NMNAT3: variants seen among roughly 807,000 people sequenced by gnomAD.
The protein encoded by NMNAT3 is nicotinamide/nicotinic acid mononucleotide adenylyltransferase 3.
In NMNAT3, 21 loss-of-function variants were observed where a neutral mutation model predicts 24.8. The ratio of observed to expected loss-of-function variants is 0.85; its 90% CI spans 0.60 to 1.22. The LOEUF (loss-of-function observed/expected upper bound fraction) is 1.22, where lower values mean the gene tolerates loss of function less well. Ranked by LOEUF, NMNAT3 falls within the 50% of genes most tolerant of loss-of-function variation. NMNAT3 has a pLI of 0.00. For synonymous variants in NMNAT3, 136 were observed against 155.2 expected (o/e 0.88, Z 0.92); for missense variants, 387 against 436.6 (o/e 0.89, Z 1.01).
At chr3:139,675,095 C>T (rs987939359) in intron 1 of NMNAT3, among the ~76,000 whole-genome samples, 2 of 139,040 alleles carry the variant, frequency 1.4e-5, no homozygotes, top group African/African-American at 5.6e-5. Context: ...TGCTTAAATA[C>T]ATTAGTCATC....
chr3:139,576,347 T>G, intron 5 of NMNAT3: 1 of 805,816 alleles, frequency 1.2e-6, no homozygotes, highest in South Asian at 5.9e-5. Flanking sequence ...TTTAAAAATC[T>G]TAATCAGCAT....
Position 139,583,079 on chromosome 3 carries a change from T to C in NMNAT3, c.239A>G (p.Asp80Gly). The C allele has an allele frequency of 3.1e-6, 5 of 1,594,544 alleles. No homozygotes were observed. Among genetic ancestry groups the C allele is most frequent in the Non-Finnish European group, 4.3e-6 (5 of 1,165,918 alleles). ...TCTTTTGCGTTTAAAAGATGACTTG[T>C]CAGGGTCATCATTTTTGCTGCTAAC... Residue 80 changes from aspartate (D) to glycine (G), a missense_variant, in exon 4 of 7, where the codon GAC (aspartate) becomes GGC (glycine). Physicochemically the swap from Asp to Gly is moderately conservative, Grantham distance 94. This residue lies in a region of NMNAT3 where 323 missense variants were observed against 345.2 expected (regional missense o/e 0.94). Coordinates refer to ENST00000643695, the MANE Select transcript of NMNAT3 (RefSeq NM_001320510.2).
rs909674135 is a variant in NMNAT3 at position 139,598,575 on chromosome 3, C to T, written c.110-15367G>A. Among the ~76,000 whole-genome samples, 7 of 152,228 alleles carry T rather than the reference C, an allele frequency of 4.6e-5. No individual in the cohort carries two copies. In the East Asian group the frequency reaches 5.8e-4, roughly 13 times the overall value. ...AGTCCCTGGATGACTGCAGGGACTC[C>T]ACTCGGTCACAGTCTTCAAGACTTC... On this transcript the variant is annotated intron_variant, in intron 3 of 6. Transcript: ENST00000643695.
At chr3:139,649,981 A>T (rs1354743840) in intron 1 of NMNAT3, among the ~76,000 whole-genome samples, 1 of 152,148 alleles carries the variant, frequency 6.6e-6, no homozygotes, top group Non-Finnish European at 1.5e-5. Flanking sequence ...CAAAGCAAAG[A>T]TGTGATTTCT....
At chr3:139,588,986 G>T (rs1270475897) in intron 3 of NMNAT3, among the ~76,000 whole-genome samples, 1 of 152,166 alleles carries the variant, frequency 6.6e-6, no homozygotes, top group Non-Finnish European at 1.5e-5. Context: ...CACATCCAGA[G>T]CTTCTAGCCT....
rs530712262 is a variant in NMNAT3, at chr3:139,591,315, C to T, written c.110-8107G>A. On this transcript the variant is annotated intron_variant, in intron 3 of 6. Transcript: ENST00000643695. ...ATATCCCACACCTGGCTCAGAGGGT[C>T]CTACGCCCACGGAATCGCGCTGATT... Among the ~76,000 whole-genome samples, 1,376 of 152,192 alleles carry T rather than the reference C, an allele frequency of 9.0e-3. 10 individuals are homozygous for T. Among genetic ancestry groups the T allele is most frequent in the Non-Finnish European group, 0.014 (962 of 68,016 alleles).
intron 1 of NMNAT3, among the ~76,000 whole-genome samples, chr3:139,650,508 G>C (rs1226590547): frequency 1.3e-5 from 2 of 152,308 alleles, no homozygotes; most frequent in East Asian, 3.9e-4. Context: ...TTGTAGTTGA[G>C]TACTGGAGAG....
intron 6 of NMNAT3, among the ~76,000 whole-genome samples, chr3:139,565,072 A>G (rs370699112): frequency 6.6e-6 from 1 of 152,262 alleles, no homozygotes; most frequent in East Asian, 1.9e-4. Context: ...CACTTCCTTC[A>G]TAAGTGTTTC....
At chr3:139,622,762 CATATATATCATAT>C (rs1559921134) in intron 3 of NMNAT3, among the ~76,000 whole-genome samples, 1 of 133,102 alleles carries the variant, frequency 7.5e-6, no homozygotes, top group African/African-American at 2.8e-5. Context: ...GTATATATAT[CATATATATCATAT>C]ATATGATATA....
intron 1 of NMNAT3, among the ~76,000 whole-genome samples, chr3:139,643,306 G>C (rs1176613753): frequency 1.3e-5 from 2 of 152,150 alleles, no homozygotes; most frequent in African/African-American, 4.8e-5. Flanking sequence ...CAGTATGGAG[G>C]TTCCTTAAAA....
chr3:139,612,878 T>C (rs1412379450), intron 3 of NMNAT3, among the ~76,000 whole-genome samples: 1 of 152,088 alleles, frequency 6.6e-6, no homozygotes, highest in Non-Finnish European at 1.5e-5. Context: ...AAACAAGAAA[T>C]GGGGAAAGGA....
intron 1 of NMNAT3, among the ~76,000 whole-genome samples, chr3:139,649,791 C>A (rs2056996107): frequency 6.6e-6 from 1 of 152,182 alleles, no homozygotes; most frequent in Admixed American, 6.5e-5. Context: ...AAGGAGAACT[C>A]TTTGATCAAA....
At chr3:139,649,301 G>A (rs1426764138) in intron 1 of NMNAT3, among the ~76,000 whole-genome samples, 1 of 148,548 alleles carries the variant, frequency 6.7e-6, no homozygotes, top group African/African-American at 2.5e-5. Flanking sequence ...CCCAGCTAAT[G>A]TTGCAGGATG....
intron 2 of NMNAT3, among the ~76,000 whole-genome samples, chr3:139,633,130 T>G (rs182280704): frequency 6.0e-4 from 92 of 152,116 alleles, no homozygotes; most frequent in African/African-American, 2.1e-3. Flanking sequence ...CCCTTCATTT[T>G]AAACTTCTGA....
chr3:139,647,036 A>G (rs1559949320), intron 1 of NMNAT3, among the ~76,000 whole-genome samples: 1 of 152,232 alleles, frequency 6.6e-6, no homozygotes, highest in African/African-American at 2.4e-5. Context: ...AATGTATGGC[A>G]TGGGTTTGGT....
intron 3 of NMNAT3, among the ~76,000 whole-genome samples, chr3:139,608,258 C>T (rs1367190977): frequency 6.6e-6 from 1 of 152,216 alleles, no homozygotes; most frequent in East Asian, 1.9e-4. Flanking sequence ...ACAGCATGGC[C>T]TGCTCAGAAG....
intron 6 of NMNAT3, chr3:139,572,203 A>G: frequency 2.5e-6 from 1 of 398,698 alleles, no homozygotes; most frequent in Non-Finnish European, 4.4e-6. Context: ...GAGGTGCTCA[A>G]AAAGTGTCTG....
intron 1 of NMNAT3, among the ~76,000 whole-genome samples, chr3:139,669,831 A>G (rs1318677684): frequency 6.6e-6 from 1 of 151,946 alleles, no homozygotes; most frequent in African/African-American, 2.4e-5. Flanking sequence ...TTTTAATATC[A>G]TCTTAATCTA....
rs1192095492 is a variant in NMNAT3, at chr3:139,637,569, G to A, written c.-41+394C>T. The A allele has an allele frequency of 3.9e-5, 6 of 152,270 alleles. No homozygotes were observed. In the East Asian group the frequency reaches 7.7e-4, roughly 20 times the overall value. 9.4% of individuals were successfully genotyped at this position (152,270 alleles called of 1,614,324 possible). On this transcript the variant is annotated intron_variant, in intron 2 of 6. Coordinates refer to ENST00000643695, the MANE Select transcript of NMNAT3 (RefSeq NM_001320510.2). ...AACCATATGGAAAATGGAGATTTTG[G>A]CCTCACTCTACCTCTCCTACTTGTC...
Sources: gnomAD v4.1 joint callset for allele counts (sites outside exome capture counted in the v4.1 genomes callset) on GRCh38, gnomAD v4.1.1 for gene constraint, gnomAD v4.1.1 regional missense constraint, MANE v1.5 for transcripts, NCBI Gene and HGNC (gene_info 2026-07-23, HGNC 2026-07-21) for gene names.